BOP1: variants seen among roughly 807,000 people sequenced by gnomAD.
BOP1 encodes BOP1 ribosomal biogenesis factor.
Under a neutral mutation model 82.9 loss-of-function variants are expected in BOP1, and 54 were observed. The observed-to-expected ratio is 0.65, with a 90% confidence interval of 0.52 to 0.82. BOP1 has a LOEUF of 0.82. BOP1 is among the 40% of genes least tolerant of loss of function. The pLI, the probability that BOP1 is intolerant of heterozygous loss-of-function variation, is 0.00. For missense variants in BOP1, 1,170 were observed against 1,072.0 expected (o/e 1.09, Z -1.28); for synonymous variants, 566 against 451.1 (o/e 1.25, Z -3.23).
rs1223006885 is a variant in BOP1, at chr8:144,267,090, GCCGCCGCCC to G, written c.391-2028_391-2020del. 5.3e-5 allele frequency: 72 copies of G among 1,370,016 alleles called. 1 individual carries two copies. The highest frequency in any genetic ancestry group is 6.2e-5 in the African/African-American group (4 of 64,934). 84.9% of individuals were successfully genotyped at this position (1,370,016 alleles called of 1,614,324 possible). A position where few individuals can be genotyped will look rare whatever the true frequency, so the allele number is the denominator to read the frequency against. Reference sequence around the variant, plus strand: ...ACGCGGCGCGCGCCGGCAGCCCCCCGCCGCCGCCCCCGCCGCCTCCCGCCCGCGACGGCG... The same window carrying G: ...ACGCGGCGCGCGCCGGCAGCCCCCCGCCGCCGCCTCCCGCCCGCGACGGCG... On this transcript the variant is annotated intron_variant, in intron 3 of 15. Coordinates refer to ENST00000569669, the MANE Select transcript of BOP1 (RefSeq NM_015201.5).
In BOP1 at chr8:144,263,261, T is replaced by A; in HGVS notation, c.1565A>T (p.Glu522Val). 1 of 1,594,756 alleles carries A rather than the reference T, an allele frequency of 6.3e-7. No homozygotes were observed. The highest frequency in any genetic ancestry group is 2.2e-5 in the East Asian group (1 of 44,842). ...PARWLEASEE[E>V]RQVGLRLRIC... ...GCGCAGCCGCAGGCCCACTTGGCGC[T>A]CCTCCTCTGAGGCCTCCAGCCAGCG... Residue 522 changes from glutamate to valine, a missense_variant, in exon 12 of 16, where the codon GAG becomes GTG. Glu to Val is a moderately radical substitution (Grantham distance 121). Coordinates refer to ENST00000569669, the MANE Select transcript of BOP1 (RefSeq NM_015201.5).
In BOP1 at chr8:144,262,605, C is replaced by T; in HGVS notation, c.1962G>A (p.Lys654=). 3.1e-6 allele frequency: 5 copies of T among 1,613,484 alleles called. No homozygotes were observed. Among genetic ancestry groups the T allele is most frequent in the Non-Finnish European group, 3.4e-6 (4 of 1,179,832 alleles). The change falls in exon 14 of 16, where the codon AAG becomes AAA. Residue 654 remains lysine, a synonymous_variant. Transcript: ENST00000569669. ...TTCCTCACCTCAGCATCCTGTATGG[C>T]TTGGTGGAAAGATCCAGGTCAAACC... ...LVWFDLDLST[K]PYRMLRHHKK... is the part of the protein sequence containing the mutation.
At chr8:144,275,044 T>G (rs1845547639) in intron 3 of BOP1, among the ~76,000 whole-genome samples, 1 of 150,100 alleles carries the variant, frequency 6.7e-6, no homozygotes, top group Non-Finnish European at 1.5e-5. Flanking sequence ...AGAGACCGGA[T>G]CGGGCGGGCG....
At chr8:144,266,885 T>C in intron 3 of BOP1, 1 of 1,507,598 alleles carries the variant, frequency 6.6e-7, no homozygotes, top group Non-Finnish European at 8.8e-7. Flanking sequence ...ACCAACAGCG[T>C]GAACACGGCC....
chr8:144,287,847 A>G lies in BOP1; in HGVS notation c.309+1248T>C, dbSNP rs973028655. On this transcript the variant is annotated intron_variant, in intron 2 of 15. Coordinates refer to ENST00000569669, the MANE Select transcript of BOP1 (RefSeq NM_015201.5). ...AACAAGCCAACCCAACACAGCTAGCACACAATGAACAAGCCATGGTTCCTT... is the reference window on the plus strand; with the variant it reads ...AACAAGCCAACCCAACACAGCTAGCGCACAATGAACAAGCCATGGTTCCTT... Among the ~76,000 whole-genome samples the G allele has an allele frequency of 1.4e-4, 21 of 152,346 alleles. 1 individual carries two copies. The South Asian group carries it at 3.3e-3, about 24-fold the overall frequency.
At chr8:144,267,483 C>G (rs1011608863) in intron 3 of BOP1, among the ~76,000 whole-genome samples, 1 of 152,194 alleles carries the variant, frequency 6.6e-6, no homozygotes, top group Non-Finnish European at 1.5e-5. Flanking sequence ...TGGACCAGGC[C>G]GCTGCAAGCT....
rs1480832109 is a variant in BOP1, at chr8:144,276,320, G to A, written c.310-16C>T. On this transcript the variant is annotated splice_polypyrimidine_tract_variant and intron_variant, in intron 2 of 15. Coordinates refer to ENST00000569669, the MANE Select transcript of BOP1 (RefSeq NM_015201.5). ...GAGTGCTGGCCTGCAGAGAGAGAGA[G>A]AAAATGGTCACTTCAGGGGATACAG... 2 of 1,611,370 alleles carry A rather than the reference G, an allele frequency of 1.2e-6. No homozygotes were observed. The highest frequency in any genetic ancestry group is 1.7e-5 in the Admixed American group (1 of 59,982).
intron 3 of BOP1, among the ~76,000 whole-genome samples, chr8:144,273,945 G>A (rs1281708872): frequency 6.6e-6 from 1 of 152,210 alleles, no homozygotes; most frequent in African/African-American, 2.4e-5. Flanking sequence ...CCTGTGAGGG[G>A]CTGCTCAGGT....
intron 3 of BOP1, among the ~76,000 whole-genome samples, chr8:144,273,122 C>T (rs1443373974): frequency 6.6e-6 from 1 of 152,160 alleles, no homozygotes; most frequent in African/African-American, 2.4e-5. Context: ...GAGGCCGCGC[C>T]GCCAGCAGCG....
At chr8:144,268,944 A>AG (rs1231635890) in intron 3 of BOP1, among the ~76,000 whole-genome samples, 19 of 151,696 alleles carry the variant, frequency 1.3e-4, no homozygotes, top group African/African-American at 3.6e-4. Context: ...TGCCCAGCGG[A>AG]GGGGGGGGCT....
chr8:144,263,780 TGA>T lies in BOP1; in HGVS notation c.1222-21_1222-20del. ...TGTAGACCTGAGGAGGCGGCGGCAG[TGA>T]GGAGTCAGACTGGGAGGGTGCAACC... On this transcript the variant is annotated intron_variant, in intron 9 of 15. Coordinates refer to ENST00000569669, the MANE Select transcript of BOP1 (RefSeq NM_015201.5). The T allele has an allele frequency of 1.3e-6, 2 of 1,574,880 alleles. No individual in the cohort carries two copies. The highest frequency in any genetic ancestry group is 1.7e-6 in the Non-Finnish European group (2 of 1,154,580).
At chr8:144,271,629 GCTGCATCTCACCCTA>G (rs1203191576) in intron 3 of BOP1, among the ~76,000 whole-genome samples, 13 of 152,088 alleles carry the variant, frequency 8.5e-5, no homozygotes, top group African/African-American at 2.9e-4. Context: ...AGGCTCACCT[GCTGCATCTCACCCTA>G]CTGAAGGTTC....
chr8:144,283,201 C>CAAAAAGAAAAAAAAAAAAAAA (rs1814765865), intron 2 of BOP1, among the ~76,000 whole-genome samples: 1 of 54,346 alleles, frequency 1.8e-5, no homozygotes, highest in Non-Finnish European at 2.8e-5. Flanking sequence ...AACTCCATCT[C>CAAAAAGAAAAAAAAAAAAAAA]AAAAAAAAAA....
intron 3 of BOP1, among the ~76,000 whole-genome samples, chr8:144,273,986 C>G (rs1215328943): frequency 6.6e-6 from 1 of 152,324 alleles, no homozygotes; most frequent in East Asian, 1.9e-4. Flanking sequence ...CAGGGGGTCC[C>G]TGAAGCCCCA....
At chr8:144,280,925 TAGGCC>T (rs1564601501) in intron 2 of BOP1, among the ~76,000 whole-genome samples, 13 of 151,806 alleles carry the variant, frequency 8.6e-5, no homozygotes, top group African/African-American at 2.7e-4. Flanking sequence ...TACCAGGTCT[TAGGCC>T]TTCTCTCAGT....
intron 11 of BOP1, 35 bp from the exon 12 acceptor site, chr8:144,263,436 A>C: frequency 1.3e-6 from 2 of 1,597,850 alleles, no homozygotes; most frequent in East Asian, 2.2e-5. Flanking sequence ...CCCTAAGCAC[A>C]GTGCCACCCC....
intron 2 of BOP1, among the ~76,000 whole-genome samples, chr8:144,281,094 A>G (rs1588603969): frequency 1.3e-5 from 2 of 150,084 alleles, no homozygotes; most frequent in Admixed American, 6.7e-5. Context: ...TCTCACTTTA[A>G]TACCAGGTCT....
At chr8:144,283,586 T>G (rs979688818) in intron 2 of BOP1, among the ~76,000 whole-genome samples, 1 of 152,226 alleles carries the variant, frequency 6.6e-6, no homozygotes, top group Non-Finnish European at 1.5e-5. Flanking sequence ...GTGCTGGGAT[T>G]ACAGGTGTGA....
At chr8:144,283,560 G>A (rs1395432267) in intron 2 of BOP1, among the ~76,000 whole-genome samples, 1 of 152,300 alleles carries the variant, frequency 6.6e-6, no homozygotes, top group East Asian at 1.9e-4. Context: ...AGATCCACCT[G>A]CCTTGGCCTC....
Sources: allele counts gnomAD v4.1 joint callset (sites outside exome capture counted in the v4.1 genomes callset), GRCh38; gene constraint gnomAD v4.1.1; transcripts MANE v1.5; gene names NCBI Gene and HGNC (gene_info 2026-07-23, HGNC 2026-07-21).